The following SORCS3 variants were observed in gnomAD, a reference collection of about 807,000 sequenced individuals.
SORCS3 encodes sortilin related VPS10 domain containing receptor 3.
In SORCS3, 57 loss-of-function variants were observed where a neutral mutation model predicts 146.3. The ratio of observed to expected loss-of-function variants is 0.39; its 90% CI spans 0.31 to 0.49. The LOEUF is 0.49. Ranked by LOEUF, SORCS3 falls within the 20% of genes least tolerant of loss-of-function variation. The probability of loss-of-function intolerance (pLI) is 0.92; values close to 1 mark genes in which losing one functional copy is unlikely to be tolerated. For synonymous variants in SORCS3, 653 were observed against 618.5 expected (o/e 1.06, Z -0.83); for missense variants, 1,341 against 1,575.5 (o/e 0.85, Z 2.52).
Position 105,263,356 on chromosome 10 carries a change from C to T in SORCS3, c.3651C>T (p.Pro1217=). Residue 1217 remains proline, a synonymous_variant, in exon 27 of 27, where the codon CCC becomes CCT. Coordinates refer to ENST00000369701, the MANE Select transcript of SORCS3 (RefSeq NM_014978.3). ...IANSESTKEI[P]NCTSV ...ACAGCGAAAGCACAAAGGAGATCCC[C>T]AACTGCACTAGTGTTTAATACCAGC... is the stretch of plus-strand genomic sequence containing the variant. The T allele has an allele frequency of 6.2e-7, 1 of 1,614,082 alleles. No homozygotes were observed. The highest frequency in any genetic ancestry group is 8.5e-7 in the Non-Finnish European group (1 of 1,179,956).
At chr10:104,721,692 C>T (rs189780590) in intron 1 of SORCS3, among the ~76,000 whole-genome samples, 1 of 152,098 alleles carries the variant, frequency 6.6e-6, no homozygotes, top group Admixed American at 6.6e-5. Flanking sequence ...AGGTCCTTCA[C>T]GTCCCTTATA....
At chr10:105,077,561 CACACAGAG>C (rs1421984425) in intron 5 of SORCS3, among the ~76,000 whole-genome samples, 26 of 114,110 alleles carry the variant, frequency 2.3e-4, no homozygotes, top group Middle Eastern at 4.5e-3. Context: ...CACACACACA[CACACAGAG>C]GGATGGTATT....
intron 1 of SORCS3, among the ~76,000 whole-genome samples, chr10:104,733,557 G>A (rs996719454): frequency 2.8e-5 from 4 of 141,342 alleles, no homozygotes; most frequent in Non-Finnish European, 3.0e-5. Context: ...ATAAGGTCCC[G>A]CTATGTTGAC....
intron 1 of SORCS3, among the ~76,000 whole-genome samples, chr10:104,841,540 G>A (rs1208625153): frequency 6.6e-6 from 1 of 151,970 alleles, no homozygotes; most frequent in Non-Finnish European, 1.5e-5. Flanking sequence ...TTTTTTCTTG[G>A]TTTATATAGA....
chr10:105,052,214 T>TG (rs1190767853), intron 5 of SORCS3, among the ~76,000 whole-genome samples: 1 of 152,158 alleles, frequency 6.6e-6, no homozygotes, highest in African/African-American at 2.4e-5. Context: ...TTGGGAGATC[T>TG]GAAAAGATTT....
At chr10:104,935,615 G>A (rs2019252300) in intron 3 of SORCS3, among the ~76,000 whole-genome samples, 1 of 152,116 alleles carries the variant, frequency 6.6e-6, no homozygotes, top group African/African-American at 2.4e-5. Context: ...TCCCAGGAGA[G>A]TGATAAGCAT....
intron 2 of SORCS3, among the ~76,000 whole-genome samples, chr10:104,886,600 A>G (rs961340848): frequency 1.3e-5 from 2 of 151,446 alleles, no homozygotes; most frequent in African/African-American, 4.9e-5. Context: ...CTATCTATCT[A>G]TCTATCTACA....
chr10:105,128,836 T>TTG (rs2055994885), intron 7 of SORCS3, among the ~76,000 whole-genome samples: 1 of 152,186 alleles, frequency 6.6e-6, no homozygotes, highest in African/African-American at 2.4e-5. Flanking sequence ...ATCATTGTGT[T>TTG]TGTAGAGCAT....
At chr10:104,642,055 G>A (rs1337850595) in intron 1 of SORCS3, 101 bp downstream of exon 1, 15 of 1,344,706 alleles carry the variant, frequency 1.1e-5, no homozygotes, top group Non-Finnish European at 1.4e-5. Context: ...GGGGGTCGAG[G>A]CGGGGGACGC....
intron 5 of SORCS3, among the ~76,000 whole-genome samples, chr10:105,084,297 C>T (rs1351287149): frequency 6.6e-6 from 1 of 152,152 alleles, no homozygotes; most frequent in Non-Finnish European, 1.5e-5. Context: ...AAACACCAAA[C>T]ACAATGCCTG....
chr10:105,256,595 C>T (rs2056932830), intron 24 of SORCS3, among the ~76,000 whole-genome samples: 1 of 152,226 alleles, frequency 6.6e-6, no homozygotes, highest in Admixed American at 6.5e-5. Flanking sequence ...TAGCAAGTTT[C>T]CCCAGGCTGA....
At chr10:105,055,616 G>A (rs1452133871) in intron 5 of SORCS3, among the ~76,000 whole-genome samples, 1 of 152,092 alleles carries the variant, frequency 6.6e-6, no homozygotes, top group Non-Finnish European at 1.5e-5. Context: ...CTTATAATAA[G>A]AGGAGATAAT....
chr10:104,729,897 G>A (rs2133452122), intron 1 of SORCS3, among the ~76,000 whole-genome samples: 1 of 152,310 alleles, frequency 6.6e-6, no homozygotes, highest in African/African-American at 2.4e-5. Flanking sequence ...TGTGTAGCTT[G>A]GGGAGTGAGT....
chr10:105,017,829 A>G (rs2055176632), intron 4 of SORCS3, among the ~76,000 whole-genome samples: 1 of 152,164 alleles, frequency 6.6e-6, no homozygotes, highest in Non-Finnish European at 1.5e-5. Flanking sequence ...CACTGAGATC[A>G]TTTTTTATAT....
Position 105,263,500 on chromosome 10 carries a change from A to G in SORCS3, c.*126A>G. The G allele has an allele frequency of 1.2e-6, 1 of 868,714 alleles. No individual in the cohort carries two copies. The highest frequency in any genetic ancestry group is 2.7e-5 in the East Asian group (1 of 37,612). The allele number at this position is 868,714 out of a possible 1,614,324, so 53.8% of individuals were successfully genotyped here. A position where few individuals can be genotyped will look rare whatever the true frequency, so the allele number is the denominator to read the frequency against. Reference sequence around the variant, plus strand: ...GTTTACCAAGGGCCCCTTCATAAATAGCAGGCAAATGCCTAGCTTTGGGAG... The same window carrying G: ...GTTTACCAAGGGCCCCTTCATAAATGGCAGGCAAATGCCTAGCTTTGGGAG... On this transcript the variant is annotated 3_prime_UTR_variant, in exon 27 of 27. Coordinates refer to ENST00000369701, the MANE Select transcript of SORCS3 (RefSeq NM_014978.3).
chr10:105,017,505 A>G (rs1374295295), intron 4 of SORCS3, among the ~76,000 whole-genome samples: 1 of 152,200 alleles, frequency 6.6e-6, no homozygotes, highest in African/African-American at 2.4e-5. Context: ...ACTTTTAAAG[A>G]TGGCACAGTC....
At chr10:105,032,599 T>C (rs963475962) in intron 4 of SORCS3, among the ~76,000 whole-genome samples, 1 of 152,216 alleles carries the variant, frequency 6.6e-6, no homozygotes, top group African/African-American at 2.4e-5. Context: ...AAATGGCATT[T>C]CATGTGGTAG....
At chr10:104,895,876 A>G (rs1472166787) in intron 2 of SORCS3, among the ~76,000 whole-genome samples, 2 of 152,160 alleles carry the variant, frequency 1.3e-5, no homozygotes, top group Non-Finnish European at 2.9e-5. Context: ...GTATGAGGAG[A>G]GTTCTTGGAT....
intron 1 of SORCS3, among the ~76,000 whole-genome samples, chr10:104,728,065 ATCTATCTAATCTATCTG>A (rs1193169476): frequency 2.1e-5 from 3 of 145,940 alleles, no homozygotes; most frequent in Non-Finnish European, 3.0e-5. Flanking sequence ...CTATCTATCT[ATCTATCTAATCTATCTG>A]TCATCTCTTT....
Sources: allele counts gnomAD v4.1 joint callset (sites outside exome capture counted in the v4.1 genomes callset), GRCh38; gene constraint gnomAD v4.1.1; transcripts MANE v1.5; gene names NCBI Gene and HGNC (gene_info 2026-07-23, HGNC 2026-07-21).